Variants in AP4E1 observed in about 807,000 individuals in gnomAD.
The protein encoded by AP4E1 is AP-4 complex subunit epsilon-1.
Under a neutral mutation model 128.2 loss-of-function variants are expected in AP4E1, and 56 were observed. The ratio of observed to expected loss-of-function variants is 0.44; its 90% confidence interval spans 0.35 to 0.55. The LOEUF (loss-of-function observed/expected upper bound fraction) is 0.55. AP4E1 is among the 20% of genes least tolerant of loss of function. The pLI is 0.00. For synonymous variants in AP4E1, 484 were observed against 473.1 expected (o/e 1.02, Z -0.30); for missense variants, 1,324 against 1,307.7 (o/e 1.01, Z -0.19).
In AP4E1 at chr15:50,993,547, A is replaced by G. The variant is rs139497190; in HGVS notation, c.2268A>G (p.Gln756=). The change falls in exon 17 of 21, where the codon CAA becomes CAG. Residue 756 remains glutamine (Q), a synonymous_variant. Coordinates refer to ENST00000261842, the MANE Select transcript of AP4E1 (RefSeq NM_007347.5). ...AGGATCAATCTCAAGTTCTTACCCA[A>G]TCTAAAGAGGAGAAAGAAAAGCAGC... is the stretch of plus-strand genomic sequence containing the variant. The part of the protein sequence containing the change: ...TKKDQSQVLT[Q]SKEEKEKQLL... The G allele has an allele frequency of 6.2e-5, 100 of 1,613,976 alleles. No homozygotes were observed. In the African/African-American group the frequency reaches 1.2e-3, roughly 20 times the overall value.
chr15:50,909,763 C>T (rs551369584), intron 1 of AP4E1, among the ~76,000 whole-genome samples: 27 of 152,098 alleles, frequency 1.8e-4, no homozygotes, highest in African/African-American at 6.3e-4. Context: ...TCTGGGCTCA[C>T]TACAAGCTCC....
chr15:50,981,775 G>T (rs2064645090), intron 15 of AP4E1, among the ~76,000 whole-genome samples: 1 of 152,100 alleles, frequency 6.6e-6, no homozygotes, highest in Non-Finnish European at 1.5e-5. Context: ...TCATTATCAT[G>T]GGAGTGGGTC....
intron 10 of AP4E1, among the ~76,000 whole-genome samples, 190 bp downstream of exon 10, chr15:50,941,965 G>A (rs776454615): frequency 4.6e-5 from 7 of 152,160 alleles, no homozygotes; most frequent in Non-Finnish European, 7.3e-5. Context: ...CACCCAGGCT[G>A]TAGTGCAGTG....
intron 3 of AP4E1, among the ~76,000 whole-genome samples, chr15:50,923,725 A>G (rs1409406610): frequency 6.6e-6 from 1 of 152,216 alleles, no homozygotes; most frequent in Non-Finnish European, 1.5e-5. Flanking sequence ...GGAATATCCT[A>G]TGAAATACAT....
At chr15:50,982,086 C>CAAAAAA (rs55717107) in intron 15 of AP4E1, among the ~76,000 whole-genome samples, 15 of 49,252 alleles carry the variant, frequency 3.0e-4, no homozygotes, top group South Asian at 1.1e-3. Context: ...ACTCCCATCT[C>CAAAAAA]AAAAAAAAAA....
chr15:50,951,726 C>CTTTTTTTTTTTTTTTTTTTTTTTTTTTT (rs71127166), intron 13 of AP4E1, among the ~76,000 whole-genome samples: 1 of 126,030 alleles, frequency 7.9e-6, no homozygotes. Flanking sequence ...AATTTTCTTT[C>CTTTTTTTTTTTTTTTTTTTTTTTTTTTT]TTTTTTTTTT....
Position 50,949,845 on chromosome 15 carries a change from T to C in AP4E1, c.1336T>C (p.Trp446Arg), listed in dbSNP as rs190643886. The change falls in exon 12 of 21, where the codon TGG (tryptophan) becomes CGG (arginine). Residue 446 changes from tryptophan to arginine, a missense_variant. Coordinates refer to ENST00000261842, the MANE Select transcript of AP4E1 (RefSeq NM_007347.5). ...GGACACATATGCTCCTGATAATGCATGGTTTATTCAGACAATGAATGCTGT... is the reference window on the plus strand; with the variant it reads ...GGACACATATGCTCCTGATAATGCACGGTTTATTCAGACAATGAATGCTGT... ...LAEKYAPDNA[W>R]FIQTMNAVFS... 9 of 1,613,120 alleles carry C rather than the reference T, an allele frequency of 5.6e-6. No individual in the cohort carries two copies. The Admixed American group carries it at 6.7e-5, about 12-fold the overall frequency.
At chr15:50,918,619 C>G (rs2063656865) in intron 3 of AP4E1, among the ~76,000 whole-genome samples, 1 of 152,062 alleles carries the variant, frequency 6.6e-6, no homozygotes, top group African/African-American at 2.4e-5. Context: ...CCAGTCTTCC[C>G]TTTACCCTCA....
chr15:50,984,283 G>T, intron 16 of AP4E1, 138 bp downstream of exon 16: 4 of 1,055,416 alleles, frequency 3.8e-6, no homozygotes, highest in South Asian at 2.9e-5. Flanking sequence ...GAGGTCTATT[G>T]TTTCAGTGGT....
At chr15:51,002,102 A>G (rs2064971023) in intron 20 of AP4E1, among the ~76,000 whole-genome samples, 1 of 152,162 alleles carries the variant, frequency 6.6e-6, no homozygotes, top group Non-Finnish European at 1.5e-5. Context: ...GCAGGTCTAG[A>G]ACTCCTGAGC....
chr15:50,918,730 A>C (rs2063658308), intron 3 of AP4E1, among the ~76,000 whole-genome samples: 1 of 152,174 alleles, frequency 6.6e-6, no homozygotes, highest in Non-Finnish European at 1.5e-5. Flanking sequence ...TTTATATAAA[A>C]GGCAGCATGT....
chr15:50,918,686 A>G (rs1055403647), intron 3 of AP4E1, among the ~76,000 whole-genome samples: 1 of 152,084 alleles, frequency 6.6e-6, no homozygotes, highest in Admixed American at 6.6e-5. Flanking sequence ...ATTTTGAAAA[A>G]GCAAGCAAAA....
At chr15:50,958,388 C>G (rs981091815) in intron 13 of AP4E1, 104 bp from the exon 14 acceptor site, 3 of 928,580 alleles carry the variant, frequency 3.2e-6, no homozygotes, top group East Asian at 5.2e-5. Flanking sequence ...GATGTTTAAT[C>G]TACTTTAAAT....
chr15:50,927,309 C>T (rs139526558), intron 5 of AP4E1, among the ~76,000 whole-genome samples: 1 of 152,152 alleles, frequency 6.6e-6, no homozygotes, highest in African/African-American at 2.4e-5. Flanking sequence ...GCCCCATGCT[C>T]TGGAGTAAAG....
chr15:50,955,571 T>C (rs1393078739), intron 13 of AP4E1, among the ~76,000 whole-genome samples: 1 of 152,218 alleles, frequency 6.6e-6, no homozygotes, highest in Non-Finnish European at 1.5e-5. Context: ...CATCTTCAGT[T>C]CTGTGGCCTA....
intron 10 of AP4E1, among the ~76,000 whole-genome samples, chr15:50,946,981 G>A (rs920228664): frequency 6.6e-6 from 1 of 152,040 alleles, no homozygotes; most frequent in Admixed American, 6.6e-5. Flanking sequence ...GACCAGCCTG[G>A]CCAACATGGT....
chr15:50,954,292 T>A (rs1321180608), intron 13 of AP4E1, among the ~76,000 whole-genome samples: 1 of 152,246 alleles, frequency 6.6e-6, no homozygotes, highest in Non-Finnish European at 1.5e-5. Context: ...GCCCTCCTAT[T>A]TTCTGGAAGA....
chr15:50,931,441 CT>C (rs1229400680), intron 7 of AP4E1, among the ~76,000 whole-genome samples: 4 of 152,134 alleles, frequency 2.6e-5, no homozygotes, highest in Admixed American at 2.0e-4. Context: ...TGGCGCGCGC[CT>C]GTAATCCTAG....
At chr15:50,927,581 G>C (rs890283734) in intron 5 of AP4E1, among the ~76,000 whole-genome samples, 1 of 144,952 alleles carries the variant, frequency 6.9e-6, no homozygotes. Flanking sequence ...CAGTTAACAC[G>C]CAATGGCAAT....
Sources: allele counts gnomAD v4.1 joint callset (sites outside exome capture counted in the v4.1 genomes callset), GRCh38; gene constraint gnomAD v4.1.1; transcripts MANE v1.5; gene names NCBI Gene and HGNC (gene_info 2026-07-23, HGNC 2026-07-21).